DDX4: variants seen among roughly 807,000 people sequenced by gnomAD.
DDX4 encodes probable ATP-dependent RNA helicase DDX4.
Under a neutral mutation model 100.0 loss-of-function variants are expected in DDX4, and 25 were observed. The ratio of observed to expected loss-of-function variants is 0.25; its 90% CI spans 0.18 to 0.35. The LOEUF (loss-of-function observed/expected upper bound fraction) is 0.35, where lower values mean the gene tolerates loss of function less well. Ranked by LOEUF, DDX4 falls within the 10% of genes least tolerant of loss-of-function variation. DDX4 has a pLI of 1.00. For missense variants in DDX4, 635 were observed against 882.4 expected (o/e 0.72, Z 3.55); for synonymous variants, 259 against 275.7 (o/e 0.94, Z 0.60).
intron 2 of DDX4, among the ~76,000 whole-genome samples, chr5:55,742,498 A>G (rs547361998): frequency 6.6e-6 from 1 of 152,336 alleles, no homozygotes; most frequent in East Asian, 1.9e-4. Context: ...GAGATAAGAA[A>G]ATAAACATAT....
chr5:55,790,556 T>G lies in DDX4; in HGVS notation c.1173-20T>G. On this transcript the variant is annotated intron_variant, in intron 15 of 21. Coordinates refer to ENST00000505374, the MANE Select transcript of DDX4 (RefSeq NM_024415.3). ...ATTTTTAAGTAACTAGAAAATAACATTTAGTTTTCTTGTTAATAGGACTTG... is the reference window on the plus strand; with the variant it reads ...ATTTTTAAGTAACTAGAAAATAACAGTTAGTTTTCTTGTTAATAGGACTTG... 1 of 1,518,790 alleles carries G rather than the reference T, an allele frequency of 6.6e-7. No individual in the cohort carries two copies. Among genetic ancestry groups the G allele is most frequent in the Non-Finnish European group, 9.0e-7 (1 of 1,105,682 alleles). 94.1% of individuals were successfully genotyped at this position (1,518,790 alleles called of 1,614,324 possible). A position where few individuals can be genotyped will look rare whatever the true frequency, so the allele number is the denominator to read the frequency against.
intron 16 of DDX4, 22 bp from the exon 17 acceptor site, chr5:55,792,619 A>G (rs372917949): frequency 2.2e-6 from 3 of 1,368,966 alleles, no homozygotes; most frequent in Non-Finnish European, 2.0e-6. Context: ...TTTCTGTTTT[A>G]CCTTTGAAAA....
intron 4 of DDX4, among the ~76,000 whole-genome samples, chr5:55,762,657 G>A (rs1303396641): frequency 6.6e-6 from 1 of 152,084 alleles, no homozygotes; most frequent in Non-Finnish European, 1.5e-5. Context: ...GTTAGTATGG[G>A]GAAATAGTAT....
At chr5:55,785,545 T>A (rs1442408759) in intron 12 of DDX4, 51 bp downstream of exon 12, 1 of 1,422,320 alleles carries the variant, frequency 7.0e-7, no homozygotes, top group Non-Finnish European at 9.7e-7. Flanking sequence ...GTTTTAATAA[T>A]GCTTAAGTAT....
Position 55,764,027 on chromosome 5 carries a change from C to T in DDX4, c.297C>T (p.Ser99=), listed in dbSNP as rs367773581. 41 of 1,608,618 alleles carry T rather than the reference C, an allele frequency of 2.5e-5. No homozygotes were observed. Among genetic ancestry groups the T allele is most frequent in the Non-Finnish European group, 3.4e-5 (40 of 1,175,644 alleles). Residue 99 remains serine, a synonymous_variant, in exon 6 of 22, where the codon AGC becomes AGT. Transcript: ENST00000505374. ...TATTTTGTATAGGTTTTTCAAACAG[C>T]AGGTTTGAAGATGGTGATAGCTCTG... The part of the protein sequence containing the change: ...KSFGNRGFSN[S]RFEDGDSSGF...
At chr5:55,790,138 CT>C (rs35365600) in intron 15 of DDX4, among the ~76,000 whole-genome samples, 9,514 of 101,994 alleles carry the variant, frequency 0.093, 443 homozygotes, top group East Asian at 0.23. Flanking sequence ...AAAATATCAC[CT>C]TTTTTTTTTT....
intron 3 of DDX4, 39 bp from the exon 4 acceptor site, chr5:55,760,161 G>A: frequency 6.4e-7 from 1 of 1,553,940 alleles, no homozygotes; most frequent in South Asian, 1.2e-5. Context: ...CTAGATACTT[G>A]TTTTTATTTG....
intron 10 of DDX4, among the ~76,000 whole-genome samples, chr5:55,785,040 A>T (rs73131149): frequency 6.6e-6 from 1 of 152,252 alleles, no homozygotes; most frequent in African/African-American, 2.4e-5. Context: ...TAGAAAATAC[A>T]TTCCTTTGCT....
At chr5:55,748,502 T>G (rs1233815204) in intron 3 of DDX4, among the ~76,000 whole-genome samples, 1 of 119,628 alleles carries the variant, frequency 8.4e-6, no homozygotes, top group Non-Finnish European at 1.7e-5. Context: ...AAAGCTAAGT[T>G]TTTTTTTTTA....
At chr5:55,790,738 T>C (rs1423823122) in intron 16 of DDX4, 33 bp downstream of exon 16, 3 of 1,599,508 alleles carry the variant, frequency 1.9e-6, no homozygotes, top group Admixed American at 3.4e-5. Context: ...AGTTGTGAGA[T>C]TGATACTTTT....
intron 7 of DDX4, 65 bp from the exon 8 acceptor site, chr5:55,779,899 A>G: frequency 1.3e-6 from 2 of 1,554,234 alleles, no homozygotes; most frequent in Non-Finnish European, 1.7e-6. Flanking sequence ...ATTAAATTTG[A>G]CCATGTCCCC....
intron 3 of DDX4, among the ~76,000 whole-genome samples, chr5:55,747,490 T>C (rs1197307367): frequency 6.6e-6 from 1 of 152,192 alleles, no homozygotes; most frequent in African/African-American, 2.4e-5. Context: ...AAGGCTACAG[T>C]GAACTATGAT....
chr5:55,792,519 C>T (rs1580582880), intron 16 of DDX4, 122 bp from the exon 17 acceptor site: 2 of 483,056 alleles, frequency 4.1e-6, no homozygotes, highest in East Asian at 8.3e-5. Flanking sequence ...GCCAACACGC[C>T]TGGCTAATTT....
intron 18 of DDX4, among the ~76,000 whole-genome samples, chr5:55,808,299 T>A (rs999206018): frequency 1.3e-5 from 2 of 152,172 alleles, no homozygotes; most frequent in African/African-American, 4.8e-5. Context: ...GATCATCTGA[T>A]GCCTTCTTCT....
intron 3 of DDX4, among the ~76,000 whole-genome samples, chr5:55,752,385 C>A (rs1331950842): frequency 7.0e-6 from 1 of 143,794 alleles, no homozygotes. Flanking sequence ...TTCCTCTGTC[C>A]ATGTGATCTC....
intron 18 of DDX4, among the ~76,000 whole-genome samples, chr5:55,800,076 A>G (rs1169674292): frequency 6.6e-6 from 1 of 152,224 alleles, no homozygotes; most frequent in African/African-American, 2.4e-5. Flanking sequence ...ATACACTAAT[A>G]GCATATAAAA....
rs1283223106 is a variant in DDX4, at chr5:55,814,604, C to T, written c.1716-297C>T. On this transcript the variant is annotated intron_variant, in intron 19 of 21. Transcript: ENST00000505374. The stretch of plus-strand genomic sequence containing the variant: ...TTCCCCGGTTCAAGTGATTCTCCTA[C>T]TTCAGCCTCCCTAGTAGCTGGAATT... Among the ~76,000 whole-genome samples the T allele has an allele frequency of 2.6e-5, 4 of 152,022 alleles. No homozygotes were observed. The East Asian group carries it at 7.7e-4, about 29-fold the overall frequency.
chr5:55,764,951 C>G (rs72761921), intron 6 of DDX4, among the ~76,000 whole-genome samples: 4,101 of 152,232 alleles, frequency 0.027, 65 homozygotes, highest in Middle Eastern at 0.068. Flanking sequence ...CACTTTGATT[C>G]CCAAAGTCAA....
At chr5:55,794,770 C>T (rs1742816876) in intron 17 of DDX4, among the ~76,000 whole-genome samples, 1 of 152,038 alleles carries the variant, frequency 6.6e-6, no homozygotes, top group African/African-American at 2.4e-5. Context: ...TCTTTGCTTC[C>T]TGACTCTCCC....
Sources: gnomAD v4.1 joint callset for allele counts (sites outside exome capture counted in the v4.1 genomes callset) on GRCh38, gnomAD v4.1.1 for gene constraint, MANE v1.5 for transcripts, NCBI Gene and HGNC (gene_info 2026-07-23, HGNC 2026-07-21) for gene names.